SYNDIG1: variants seen among roughly 807,000 people sequenced by gnomAD.
The protein encoded by SYNDIG1 is synapse differentiation-inducing gene protein 1.
In SYNDIG1, 9 loss-of-function variants were observed where a neutral mutation model predicts 19.4. The ratio of observed to expected loss-of-function variants is 0.46; its 90% CI spans 0.28 to 0.81. The LOEUF is 0.81. Ranked by LOEUF, SYNDIG1 falls within the 30% of genes least tolerant of loss-of-function variation. The pLI is 0.12. For missense variants in SYNDIG1, 311 were observed against 343.3 expected (o/e 0.91, Z 0.74); for synonymous variants, 141 against 145.9 (o/e 0.97, Z 0.24).
At chr20:24,577,204 A>G (rs1220147163) in intron 2 of SYNDIG1, among the ~76,000 whole-genome samples, 1 of 152,356 alleles carries the variant, frequency 6.6e-6, no homozygotes, top group East Asian at 1.9e-4. Context: ...TGCATCACAC[A>G]TTGGGGGTTC....
Position 24,658,331 on chromosome 20 carries a change from G to A in SYNDIG1, c.619-7015G>A, listed in dbSNP as rs1600838220. ...GGAAAGGCAGGTAGTGACGCGGCAGGGGACTGGAGCTCGGTGGAGTGGACT... is the reference window on the plus strand; with the variant it reads ...GGAAAGGCAGGTAGTGACGCGGCAGAGGACTGGAGCTCGGTGGAGTGGACT... On this transcript the variant is annotated intron_variant, in intron 3 of 3. Transcript: ENST00000376862. The surrounding 1 kb of genome is among the most constrained non-coding windows in gnomAD (Gnocchi z 4.4). 6.6e-6 allele frequency among the ~76,000 whole-genome samples: 1 copy of A among 152,112 alleles called. No homozygotes were observed. The highest frequency in any genetic ancestry group is 1.9e-4 in the East Asian group (1 of 5,184).
At chr20:24,519,828 C>G (rs916782431) in intron 1 of SYNDIG1, among the ~76,000 whole-genome samples, 1 of 151,806 alleles carries the variant, frequency 6.6e-6, no homozygotes, top group African/African-American at 2.4e-5. Flanking sequence ...CACACGCACG[C>G]ACGCGCACAT....
intron 3 of SYNDIG1, among the ~76,000 whole-genome samples, chr20:24,596,085 G>A (rs1407912395): frequency 1.3e-5 from 2 of 152,040 alleles, no homozygotes; most frequent in Admixed American, 6.6e-5. Context: ...TTTTTGATGT[G>A]GGCATTTAGC....
intron 1 of SYNDIG1, among the ~76,000 whole-genome samples, chr20:24,505,862 G>A (rs1463121986): frequency 6.6e-6 from 1 of 152,230 alleles, no homozygotes; most frequent in Non-Finnish European, 1.5e-5. Context: ...TAAAAGAGTT[G>A]AAGCATTTTC....
In SYNDIG1 at chr20:24,666,042, CT is replaced by C. The variant is rs1166039628; in HGVS notation, c.*539del. 1 of 154,552 alleles carries C rather than the reference CT, an allele frequency of 6.5e-6. No homozygotes were observed. Among genetic ancestry groups the C allele is most frequent in the East Asian group, 1.9e-4 (1 of 5,204 alleles). 9.6% of individuals were successfully genotyped at this position (154,552 alleles called of 1,614,324 possible). On this transcript the variant is annotated 3_prime_UTR_variant, in exon 4 of 4. Transcript: ENST00000376862. Reference sequence around the variant, plus strand: ...CTGGCAGGAGCCCCGCTGCACTGCTCTGCAGACCCATTGGCCTGACCCTGAG... The same window carrying C: ...CTGGCAGGAGCCCCGCTGCACTGCTCGCAGACCCATTGGCCTGACCCTGAG...
chr20:24,632,646 T>G (rs1346649029), intron 3 of SYNDIG1, among the ~76,000 whole-genome samples: 1 of 152,246 alleles, frequency 6.6e-6, no homozygotes, highest in Non-Finnish European at 1.5e-5. Flanking sequence ...GGGGTCCCTT[T>G]TCTTGTTCTT....
At chr20:24,600,392 G>A (rs1256483069) in intron 3 of SYNDIG1, among the ~76,000 whole-genome samples, 1 of 152,030 alleles carries the variant, frequency 6.6e-6, no homozygotes, top group African/African-American at 2.4e-5. Context: ...AAAGCAAGTG[G>A]CCAAGTCACC....
At chr20:24,495,254 C>T (rs1025931668) in intron 1 of SYNDIG1, among the ~76,000 whole-genome samples, 8 of 152,178 alleles carry the variant, frequency 5.3e-5, no homozygotes, top group African/African-American at 1.9e-4. Flanking sequence ...ACAGGACTAC[C>T]CTCCAGGCCC....
chr20:24,560,694 C>CTTTTTTTTTTTTTTT (rs10658853), intron 2 of SYNDIG1, among the ~76,000 whole-genome samples: 2 of 113,822 alleles, frequency 1.8e-5, no homozygotes, highest in Admixed American at 9.1e-5. Flanking sequence ...CTGTTGACTA[C>CTTTTTTTTTTTTTTT]TTTTTTTTTT....
intron 1 of SYNDIG1, among the ~76,000 whole-genome samples, chr20:24,509,043 C>A (rs2056676219): frequency 6.6e-6 from 1 of 152,182 alleles, no homozygotes; most frequent in Admixed American, 6.5e-5. Context: ...AAACATAAAC[C>A]TCCCTGCAAT....
At chr20:24,657,919 A>G (rs1356882604) in intron 3 of SYNDIG1, among the ~76,000 whole-genome samples, 1 of 152,232 alleles carries the variant, frequency 6.6e-6, no homozygotes. Flanking sequence ...CCCATGGTGG[A>G]ATACATTTCC....
Position 24,614,937 on chromosome 20 carries a change from C to T in SYNDIG1, c.618+29944C>T, listed in dbSNP as rs147283706. The stretch of plus-strand genomic sequence containing the variant: ...AAACATTCTCAAACATCTGACTTGT[C>T]AAATATTTTAAAGCAGCGTTATTGC... On this transcript the variant is annotated intron_variant, in intron 3 of 3. Coordinates refer to ENST00000376862, the MANE Select transcript of SYNDIG1 (RefSeq NM_024893.3). Among the ~76,000 whole-genome samples, 73 of 152,258 alleles carry T rather than the reference C, an allele frequency of 4.8e-4. 1 individual carries two copies. The East Asian group carries it at 0.014, about 29-fold the overall frequency.
At chr20:24,610,786 C>T (rs1050476348) in intron 3 of SYNDIG1, among the ~76,000 whole-genome samples, 2 of 152,156 alleles carry the variant, frequency 1.3e-5, no homozygotes, top group African/African-American at 2.4e-5. Context: ...TGTATTTGCC[C>T]AGATGCATGT....
intron 1 of SYNDIG1, among the ~76,000 whole-genome samples, chr20:24,490,088 C>T (rs1346064657): frequency 6.6e-6 from 1 of 152,202 alleles, no homozygotes; most frequent in East Asian, 1.9e-4. Flanking sequence ...CTCCAGGATA[C>T]CTTTGGGGCC....
At chr20:24,616,953 G>A (rs2058944156) in intron 3 of SYNDIG1, among the ~76,000 whole-genome samples, 2 of 152,158 alleles carry the variant, frequency 1.3e-5, no homozygotes, top group Non-Finnish European at 1.5e-5. Flanking sequence ...CCCGGTGGCT[G>A]CTGACCTTCA....
At position 24,543,417 on chromosome 20, in the gene SYNDIG1, C is replaced by G. The variant is rs769624860; in HGVS notation, c.320C>G (p.Ala107Gly). The change falls in exon 2 of 4, where the codon GCC becomes GGC. Residue 107 changes from alanine (A) to glycine (G), a missense_variant. Ala to Gly is a moderately conservative substitution (Grantham distance 60). Transcript: ENST00000376862. ...CTGCGCTCCTGGGGGGACGGTGTGG[C>G]CGCCGACTGCTGCGAGACCACCTTC... ...GVLRSWGDGV[A>G]ADCCETTFIE... 1 of 1,613,630 alleles carries G rather than the reference C, an allele frequency of 6.2e-7. No homozygotes were observed. Among genetic ancestry groups the G allele is most frequent in the South Asian group, 1.1e-5 (1 of 91,084 alleles).
chr20:24,598,299 T>C (rs1157501706), intron 3 of SYNDIG1, among the ~76,000 whole-genome samples: 1 of 152,214 alleles, frequency 6.6e-6, no homozygotes, highest in Non-Finnish European at 1.5e-5. Context: ...ATGAAATTAG[T>C]ACTAGTATTA....
At chr20:24,561,312 C>T (rs946578757) in intron 2 of SYNDIG1, among the ~76,000 whole-genome samples, 1 of 152,202 alleles carries the variant, frequency 6.6e-6, no homozygotes, top group African/African-American at 2.4e-5. Flanking sequence ...CTATGCTTCC[C>T]TCATTTCCAG....
chr20:24,562,034 A>C (rs975602753), intron 2 of SYNDIG1, among the ~76,000 whole-genome samples: 1 of 152,182 alleles, frequency 6.6e-6, no homozygotes, highest in South Asian at 2.1e-4. Context: ...TCACCTTCTT[A>C]TAGTTGCATC....
Sources: gnomAD v4.1 joint callset for allele counts (sites outside exome capture counted in the v4.1 genomes callset) on GRCh38, gnomAD v4.1.1 for gene constraint, Gnocchi (gnomAD v3.1) non-coding constraint, MANE v1.5 for transcripts, NCBI Gene and HGNC (gene_info 2026-07-23, HGNC 2026-07-21) for gene names.